Variants in TBC1D22A observed in about 807,000 individuals in gnomAD.
The protein encoded by TBC1D22A is putative GTPase activator.
A neutral mutation model predicts 60.2 loss-of-function variants in TBC1D22A; 38 were observed. That is an observed-to-expected ratio of 0.63 (90% CI 0.49 to 0.83). TBC1D22A has a LOEUF of 0.83. Ranked by LOEUF, TBC1D22A falls within the 40% of genes least tolerant of loss-of-function variation. The pLI is 0.00. For synonymous variants in TBC1D22A, 302 were observed against 281.7 expected, an observed-to-expected ratio of 1.07 and a Z score of -0.72; for missense variants, 628 against 701.0, an observed-to-expected ratio of 0.90 and a Z score of 1.18.
At chr22:46,769,387 C>T (rs1277046906) in intron 1 of TBC1D22A, among the ~76,000 whole-genome samples, 1 of 152,212 alleles carries the variant, frequency 6.6e-6, no homozygotes, top group Non-Finnish European at 1.5e-5. Context: ...TGCTGTGGTG[C>T]GTGCTGAGCA....
At chr22:47,107,469 A>G (rs1326918135) in intron 11 of TBC1D22A, among the ~76,000 whole-genome samples, 1 of 152,240 alleles carries the variant, frequency 6.6e-6, no homozygotes, top group African/African-American at 2.4e-5. Context: ...CGAGGTTTTT[A>G]GGACCCTATT....
At chr22:47,107,292 G>A (rs2065671062) in intron 11 of TBC1D22A, among the ~76,000 whole-genome samples, 1 of 152,310 alleles carries the variant, frequency 6.6e-6, no homozygotes, top group South Asian at 2.1e-4. Context: ...CGAAATGAGA[G>A]CATGTGAATT....
chr22:47,043,755 G>A (rs1156915116), intron 11 of TBC1D22A, among the ~76,000 whole-genome samples: 1 of 152,132 alleles, frequency 6.6e-6, no homozygotes, highest in Non-Finnish European at 1.5e-5. Context: ...GAGGTGGGTT[G>A]CACCAAGGAA....
chr22:46,838,133 T>C (rs2086599274), intron 4 of TBC1D22A, among the ~76,000 whole-genome samples: 1 of 151,974 alleles, frequency 6.6e-6, no homozygotes, highest in Admixed American at 6.5e-5. Context: ...ACAAACGAAG[T>C]TCAAAGTTAG....
At chr22:47,078,341 G>C (rs965183648) in intron 11 of TBC1D22A, among the ~76,000 whole-genome samples, 5 of 152,122 alleles carry the variant, frequency 3.3e-5, no homozygotes, top group African/African-American at 1.2e-4. Flanking sequence ...TAAGATTTTT[G>C]CTTTCAAAAT....
chr22:47,011,572 T>A (rs538890264), intron 10 of TBC1D22A, among the ~76,000 whole-genome samples: 2 of 152,338 alleles, frequency 1.3e-5, no homozygotes, highest in South Asian at 4.1e-4. Flanking sequence ...AAGTGTTTAA[T>A]GGAGCAGCCT....
chr22:46,877,355 G>A (rs1307472036), intron 4 of TBC1D22A, among the ~76,000 whole-genome samples: 2 of 152,346 alleles, frequency 1.3e-5, no homozygotes, highest in East Asian at 1.9e-4. Flanking sequence ...TTCCAGTGAG[G>A]AGAGAGGTTC....
chr22:47,072,004 C>T (rs551686937), intron 11 of TBC1D22A, among the ~76,000 whole-genome samples: 6 of 152,298 alleles, frequency 3.9e-5, no homozygotes, highest in African/African-American at 1.2e-4. Context: ...TTCCCTTGGT[C>T]TTTACGAGTG....
Position 47,173,919 on chromosome 22 carries a change from G to A in TBC1D22A, c.*293G>A. Reference sequence around the variant, plus strand: ...TCTCCCTGCAATGTCCTTGCCAAATGACTGCCTCGTGCTGCCCCTAGTCCG... The same window carrying A: ...TCTCCCTGCAATGTCCTTGCCAAATAACTGCCTCGTGCTGCCCCTAGTCCG... On this transcript the variant is annotated 3_prime_UTR_variant, in exon 13 of 13. Coordinates refer to ENST00000337137, the MANE Select transcript of TBC1D22A (RefSeq NM_014346.5). 1 of 346,752 alleles carries A rather than the reference G, an allele frequency of 2.9e-6. No homozygotes were observed. Among genetic ancestry groups the A allele is most frequent in the Non-Finnish European group, 5.4e-6 (1 of 184,086 alleles). The allele number at this position is 346,752 out of a possible 1,614,324, so 21.5% of individuals were successfully genotyped here.
intron 12 of TBC1D22A, among the ~76,000 whole-genome samples, chr22:47,165,774 G>A (rs373845781): frequency 2.6e-5 from 4 of 152,064 alleles, no homozygotes; most frequent in Non-Finnish European, 5.9e-5. Flanking sequence ...CGGACCCCGG[G>A]GGTCCTCAGC....
intron 9 of TBC1D22A, among the ~76,000 whole-genome samples, chr22:46,986,733 AT>A (rs2074738279): frequency 6.6e-6 from 1 of 152,126 alleles, no homozygotes; most frequent in African/African-American, 2.4e-5. Context: ...AATACAGTTG[AT>A]TTTTGCAAGC....
At chr22:47,172,010 T>TACCCAGCACTCCCAGTGA (rs1569482556) in intron 12 of TBC1D22A, among the ~76,000 whole-genome samples, 1,010 of 99,676 alleles carry the variant, frequency 0.01, 145 homozygotes, top group African/African-American at 0.041. Context: ...GAGCCCAGTG[T>TACCCAGCACTCCCAGTGA]GCCTACCCAG....
intron 10 of TBC1D22A, among the ~76,000 whole-genome samples, chr22:47,020,666 G>A (rs6009105): frequency 0.34 from 51,370 of 151,094 alleles, 9,574 homozygotes; most frequent in African/African-American, 0.48. Flanking sequence ...CAGTGCAGTC[G>A]GTGGCTTTCC....
At chr22:46,910,410 C>A (rs2069830013) in intron 7 of TBC1D22A, among the ~76,000 whole-genome samples, 1 of 152,088 alleles carries the variant, frequency 6.6e-6, no homozygotes, top group Non-Finnish European at 1.5e-5. Context: ...GGATTGTAGG[C>A]AGGGTAGGAA....
chr22:47,112,248 G>GTCA (rs2065877052), intron 12 of TBC1D22A, among the ~76,000 whole-genome samples: 1 of 152,230 alleles, frequency 6.6e-6, no homozygotes, highest in African/African-American at 2.4e-5. Flanking sequence ...CCTTCATGGG[G>GTCA]TGATACCCAC....
At chr22:46,876,160 A>G (rs1210957715) in intron 4 of TBC1D22A, among the ~76,000 whole-genome samples, 2 of 152,348 alleles carry the variant, frequency 1.3e-5, no homozygotes, top group African/African-American at 4.8e-5. Flanking sequence ...TAAGTCTTCT[A>G]CCATCCTTGA....
intron 5 of TBC1D22A, among the ~76,000 whole-genome samples, chr22:46,884,835 T>C (rs892842479): frequency 2.0e-5 from 3 of 152,044 alleles, no homozygotes; most frequent in Admixed American, 2.0e-4. Flanking sequence ...AGGAGAGGTG[T>C]GGCATTTAAG....
intron 8 of TBC1D22A, among the ~76,000 whole-genome samples, chr22:46,935,699 C>T (rs899807781): frequency 6.6e-6 from 1 of 152,206 alleles, no homozygotes; most frequent in Non-Finnish European, 1.5e-5. Context: ...TAGACTTCCT[C>T]CCTGTCCTTC....
At chr22:47,104,108 C>T (rs2147686892) in intron 11 of TBC1D22A, among the ~76,000 whole-genome samples, 1 of 152,090 alleles carries the variant, frequency 6.6e-6, no homozygotes, top group South Asian at 2.1e-4. Flanking sequence ...AGTTTGAGAC[C>T]AGCCTGGCCA....
Sources: gnomAD v4.1 joint callset for allele counts (sites outside exome capture counted in the v4.1 genomes callset) on GRCh38, gnomAD v4.1.1 for gene constraint, MANE v1.5 for transcripts, NCBI Gene and HGNC (gene_info 2026-07-23, HGNC 2026-07-21) for gene names.